Variants in EYA2 observed in about 807,000 individuals in gnomAD.
The protein encoded by EYA2 is protein phosphatase EYA2.
Under a neutral mutation model 69.2 loss-of-function variants are expected in EYA2, and 31 were observed. The ratio of observed to expected loss-of-function variants is 0.45; its 90% CI spans 0.34 to 0.60. The LOEUF is 0.60. EYA2 is among the 20% of genes least tolerant of loss of function. The pLI, the probability that EYA2 is intolerant of heterozygous loss-of-function variation, is 0.02. For synonymous variants in EYA2, 257 were observed against 279.4 expected (o/e 0.92, Z 0.80); for missense variants, 622 against 701.2 (o/e 0.89, Z 1.28).
chr20:47,093,758 G>C (rs2032159654), intron 8 of EYA2, among the ~76,000 whole-genome samples: 2 of 152,356 alleles, frequency 1.3e-5, no homozygotes, highest in East Asian at 3.9e-4. Context: ...ATCTTCTAAA[G>C]ACAGTAGTGA....
At chr20:47,139,738 A>G (rs2033555814) in intron 9 of EYA2, among the ~76,000 whole-genome samples, 1 of 151,924 alleles carries the variant, frequency 6.6e-6, no homozygotes, top group African/African-American at 2.4e-5. Context: ...CTCACTCCCA[A>G]ATTTCTAAGT....
chr20:46,972,291 GT>G (rs61280033), intron 1 of EYA2, among the ~76,000 whole-genome samples: 104 of 152,246 alleles, frequency 6.8e-4, no homozygotes, highest in African/African-American at 2.4e-3. Flanking sequence ...GGTGGGAAGG[GT>G]TTTGGATTAA....
chr20:47,092,742 G>C (rs1164153628), intron 8 of EYA2, among the ~76,000 whole-genome samples: 2 of 152,156 alleles, frequency 1.3e-5, no homozygotes, highest in Non-Finnish European at 2.9e-5. Context: ...AGTACCACTG[G>C]CAAGAACCAT....
At chr20:46,921,791 T>G (rs910762321) in intron 1 of EYA2, among the ~76,000 whole-genome samples, 2 of 152,254 alleles carry the variant, frequency 1.3e-5, no homozygotes, top group Non-Finnish European at 2.9e-5. Context: ...TGGATCCAGC[T>G]GTTCCTGAAG....
At chr20:47,032,354 C>T (rs1356225931) in intron 5 of EYA2, among the ~76,000 whole-genome samples, 1 of 151,916 alleles carries the variant, frequency 6.6e-6, no homozygotes, top group Non-Finnish European at 1.5e-5. Context: ...AGCTTAGCCC[C>T]CTAGTCCTGA....
At chr20:47,031,201 G>T (rs1984391209) in intron 5 of EYA2, among the ~76,000 whole-genome samples, 1 of 152,234 alleles carries the variant, frequency 6.6e-6, no homozygotes, top group South Asian at 2.1e-4. Flanking sequence ...AGTGACAGTG[G>T]AGCTGGCACT....
At chr20:47,077,538 TAGAAA>T (rs2146483297) in intron 7 of EYA2, among the ~76,000 whole-genome samples, 1 of 152,324 alleles carries the variant, frequency 6.6e-6, no homozygotes, top group Non-Finnish European at 1.5e-5. Context: ...GGTTGATTGT[TAGAAA>T]AGGAACAATA....
intron 7 of EYA2, 152 bp downstream of exon 7, chr20:47,074,487 G>T (rs972071944): frequency 8.1e-6 from 6 of 740,150 alleles, no homozygotes; most frequent in African/African-American, 1.8e-5. Flanking sequence ...GAGGGACCTG[G>T]ATATGGGTCC....
intron 1 of EYA2, among the ~76,000 whole-genome samples, chr20:46,941,510 T>C (rs187695933): frequency 2.0e-5 from 3 of 152,334 alleles, no homozygotes; most frequent in East Asian, 3.9e-4. Flanking sequence ...TGCATTTCTA[T>C]GTGTAAAGTG....
rs1985874312 is a variant in EYA2, at chr20:46,935,627, T to G, written c.-11+40640T>G. On this transcript the variant is annotated intron_variant, in intron 1 of 15. Coordinates refer to ENST00000327619, the MANE Select transcript of EYA2 (RefSeq NM_005244.5). Reference sequence around the variant, plus strand: ...GCACATGACGTCACCTCTCTGTGCCTTGGACTCCTCATGGGAAAAAATGGG... The same window carrying G: ...GCACATGACGTCACCTCTCTGTGCCGTGGACTCCTCATGGGAAAAAATGGG... Among the ~76,000 whole-genome samples the G allele has an allele frequency of 3.3e-5, 5 of 152,132 alleles. No individual in the cohort carries two copies. In the South Asian group the frequency reaches 1.0e-3, roughly 32 times the overall value.
intron 5 of EYA2, among the ~76,000 whole-genome samples, chr20:47,047,155 C>T (rs1420703076): frequency 6.6e-6 from 1 of 152,018 alleles, no homozygotes; most frequent in African/African-American, 2.4e-5. Context: ...TCCTGAAGGT[C>T]GGGGGCTGTG....
intron 7 of EYA2, among the ~76,000 whole-genome samples, chr20:47,081,778 CAAA>C (rs199527518): frequency 1.5e-4 from 17 of 110,126 alleles, no homozygotes; most frequent in Non-Finnish European, 1.9e-4. Context: ...GACCTTGTCT[CAAA>C]AAAAAAAAAA....
At chr20:47,004,277 G>A (rs1982554451) in intron 3 of EYA2, among the ~76,000 whole-genome samples, 1 of 152,186 alleles carries the variant, frequency 6.6e-6, no homozygotes, top group Non-Finnish European at 1.5e-5. Flanking sequence ...CAATATGGAG[G>A]ATTTAAATTC....
intron 1 of EYA2, among the ~76,000 whole-genome samples, chr20:46,930,230 T>C (rs189851029): frequency 6.6e-6 from 1 of 152,346 alleles, no homozygotes; most frequent in Admixed American, 6.5e-5. Flanking sequence ...AATTTTAAAA[T>C]GACATGCATG....
intron 2 of EYA2, among the ~76,000 whole-genome samples, chr20:46,991,546 A>G (rs898223030): frequency 1.3e-5 from 2 of 152,222 alleles, no homozygotes; most frequent in Non-Finnish European, 2.9e-5. Context: ...GGTTGCACAC[A>G]GGGCAGCCCA....
intron 10 of EYA2, among the ~76,000 whole-genome samples, chr20:47,162,097 C>T (rs59324073): frequency 0.018 from 2,812 of 152,244 alleles, 95 homozygotes; most frequent in African/African-American, 0.064. Flanking sequence ...ACATGTCACC[C>T]GGTCTCTGTC....
intron 10 of EYA2, among the ~76,000 whole-genome samples, chr20:47,144,412 A>C (rs1466455033): frequency 6.6e-6 from 1 of 152,212 alleles, no homozygotes; most frequent in Non-Finnish European, 1.5e-5. Context: ...TATACAAAAA[A>C]ACAATTCTAT....
chr20:47,043,983 A>T (rs2029904913), intron 5 of EYA2, among the ~76,000 whole-genome samples: 1 of 152,192 alleles, frequency 6.6e-6, no homozygotes, highest in African/African-American at 2.4e-5. Flanking sequence ...CCAGTAATAG[A>T]CTATCCTTTT....
At chr20:47,041,450 C>G (rs1425464976) in intron 5 of EYA2, among the ~76,000 whole-genome samples, 1 of 152,220 alleles carries the variant, frequency 6.6e-6, no homozygotes, top group Non-Finnish European at 1.5e-5. Context: ...CTGTGCACGA[C>G]TAAGCATACA....
Sources: allele counts gnomAD v4.1 joint callset (sites outside exome capture counted in the v4.1 genomes callset), GRCh38; gene constraint gnomAD v4.1.1; transcripts MANE v1.5; gene names NCBI Gene and HGNC (gene_info 2026-07-23, HGNC 2026-07-21).